CCDC3: variants seen among roughly 807,000 people sequenced by gnomAD.
The protein encoded by CCDC3 is coiled-coil domain-containing protein 3.
In CCDC3, 24 loss-of-function variants were observed where a neutral mutation model predicts 21.4. The ratio of observed to expected loss-of-function variants is 1.12; its 90% CI spans 0.81 to 1.58. The LOEUF (loss-of-function observed/expected upper bound fraction) is 1.58. Ranked by LOEUF, CCDC3 falls within the 40% of genes most tolerant of loss-of-function variation. The pLI is 0.00. For missense variants in CCDC3, 425 were observed against 360.9 expected (o/e 1.18, Z -1.44); for synonymous variants, 186 against 166.0 (o/e 1.12, Z -0.93).
At chr10:12,904,779 C>T (rs1834145968) in intron 2 of CCDC3, among the ~76,000 whole-genome samples, 1 of 152,074 alleles carries the variant, frequency 6.6e-6, no homozygotes, top group Non-Finnish European at 1.5e-5. Context: ...ATCCATGATA[C>T]CATCTAGAAT....
chr10:13,081,305 C>T (rs762514380), intron 3 of CCDC3, among the ~76,000 whole-genome samples: 15 of 152,204 alleles, frequency 9.9e-5, no homozygotes, highest in African/African-American at 2.9e-4. Context: ...AGAACTAAGT[C>T]TTTTAGCACA....
intron 3 of CCDC3, among the ~76,000 whole-genome samples, chr10:13,075,334 A>C (rs900361830): frequency 3.3e-5 from 5 of 152,180 alleles, no homozygotes; most frequent in African/African-American, 1.2e-4. Context: ...CTCCAAAATC[A>C]GTGGGTATTT....
intron 5 of CCDC3, among the ~76,000 whole-genome samples, chr10:13,033,677 C>T (rs1007917407): frequency 4.6e-5 from 7 of 152,160 alleles, no homozygotes; most frequent in Non-Finnish European, 1.0e-4. Flanking sequence ...AAAAAGTGGG[C>T]AAAGGATATG....
At chr10:13,068,206 T>G (rs61851364) in intron 4 of CCDC3, among the ~76,000 whole-genome samples, 29,727 of 152,088 alleles carry the variant, frequency 0.2, 3,652 homozygotes, top group East Asian at 0.29. Context: ...TATTAGGCCT[T>G]AAAAGCTGCA....
At chr10:13,033,216 A>G (rs2131412739) in intron 5 of CCDC3, among the ~76,000 whole-genome samples, 1 of 152,312 alleles carries the variant, frequency 6.6e-6, no homozygotes, top group Admixed American at 6.5e-5. Flanking sequence ...TCTTTGACAA[A>G]CCTGACAAAA....
chr10:12,958,082 C>A (rs184740705), intron 2 of CCDC3, among the ~76,000 whole-genome samples: 13 of 152,272 alleles, frequency 8.5e-5, no homozygotes, highest in African/African-American at 3.1e-4. Context: ...CTGCCTCAGC[C>A]TCCCAAAGTG....
chr10:13,001,928 C>T (rs1035714965), upstream of CCDC3, among the ~76,000 whole-genome samples: 1 of 152,136 alleles, frequency 6.6e-6, no homozygotes, highest in Non-Finnish European at 1.5e-5. Flanking sequence ...CCAGCAATCT[C>T]CTGGCGCCCC....
At chr10:12,997,370 C>A (rs1835778229) in intron 2 of CCDC3, among the ~76,000 whole-genome samples, 1 of 152,216 alleles carries the variant, frequency 6.6e-6, no homozygotes, top group Non-Finnish European at 1.5e-5. Flanking sequence ...GCCCCAGAGG[C>A]CTAGACTGGC....
At chr10:12,935,570 T>C (rs1408878539) in intron 2 of CCDC3, among the ~76,000 whole-genome samples, 1 of 152,230 alleles carries the variant, frequency 6.6e-6, no homozygotes, top group Non-Finnish European at 1.5e-5. Context: ...TTTTATATTA[T>C]TTCATTTTCT....
chr10:12,974,284 C>T (rs191843475), intron 2 of CCDC3, among the ~76,000 whole-genome samples: 1 of 152,314 alleles, frequency 6.6e-6, no homozygotes, highest in African/African-American at 2.4e-5. Context: ...AGGAGGGGGC[C>T]GCTTTCTGAA....
intron 2 of CCDC3, among the ~76,000 whole-genome samples, chr10:12,991,625 A>G (rs1003685701): frequency 3.3e-5 from 5 of 152,094 alleles, no homozygotes; most frequent in Non-Finnish European, 5.9e-5. Context: ...TGAACCACCA[A>G]TCCTGGCTTT....
chr10:12,948,471 ACAC>A (rs1834955066), intron 2 of CCDC3, among the ~76,000 whole-genome samples: 3 of 102,654 alleles, frequency 2.9e-5, no homozygotes, highest in Admixed American at 1.1e-4. Context: ...ACAATTGCAC[ACAC>A]ACACACACAC....
Position 12,898,479 on chromosome 10 carries a change from C to G in CCDC3, c.750G>C (p.Ala250=), listed in dbSNP as rs759678426. The part of the protein sequence containing the change: ...LANQKLSEKL[A]AGALPHINAR... ...CATTGATGTGCGGCAGCGCGCCCGCCGCCAGCTTCTCACTGAGTTTCTGGT... is the reference window on the plus strand; with the variant it reads ...CATTGATGTGCGGCAGCGCGCCCGCGGCCAGCTTCTCACTGAGTTTCTGGT... The change falls in exon 3 of 3, where the codon GCG becomes GCC. Residue 250 remains alanine, a synonymous_variant. Transcript: ENST00000378825. 6.2e-7 allele frequency: 1 copy of G among 1,613,264 alleles called. No homozygotes were observed. Among genetic ancestry groups the G allele is most frequent in the Admixed American group, 1.7e-5 (1 of 60,020 alleles).
chr10:12,948,525 G>A (rs559734015), intron 2 of CCDC3, among the ~76,000 whole-genome samples: 39 of 151,974 alleles, frequency 2.6e-4, no homozygotes, highest in South Asian at 2.1e-4. Context: ...CCAGAACCCC[G>A]TGTGTTTTCT....
chr10:13,048,720 T>C (rs1023120183), intron 5 of CCDC3, among the ~76,000 whole-genome samples: 2 of 152,252 alleles, frequency 1.3e-5, no homozygotes, highest in East Asian at 3.9e-4. Context: ...GGCAGGTCGC[T>C]AGCTGTCCCT....
intron 3 of CCDC3, among the ~76,000 whole-genome samples, chr10:13,074,272 C>T (rs10906294): frequency 0.61 from 88,765 of 144,398 alleles, 27,932 homozygotes; most frequent in African/African-American, 0.73. Context: ...ATTCTCCTGC[C>T]TCAGCCTCCC....
intron 3 of CCDC3, among the ~76,000 whole-genome samples, chr10:13,089,219 T>TACTTATAAATAG (rs1157698163): frequency 1.3e-5 from 2 of 152,178 alleles, no homozygotes; most frequent in East Asian, 3.8e-4. Flanking sequence ...CTTTATTTGT[T>TACTTATAAATAG]TAACACTTAT....
chr10:12,922,691 G>GATGTTT (rs1228448938), intron 2 of CCDC3, among the ~76,000 whole-genome samples: 1 of 151,972 alleles, frequency 6.6e-6, no homozygotes. Flanking sequence ...AGGAACCCAG[G>GATGTTT]ATGTTTATGT....
rs183279058 is a variant in CCDC3 at position 12,902,816 on chromosome 10, T to C, written c.550-4137A>G. 4.3e-5 allele frequency among the ~76,000 whole-genome samples: 3 copies of C among 69,686 alleles called. No individual in the cohort carries two copies. In the Admixed American group the frequency reaches 5.5e-4, roughly 13 times the overall value. 45.7% of individuals were successfully genotyped at this position (69,686 alleles called of 152,430 possible). On this transcript the variant is annotated intron_variant, in intron 2 of 2. Coordinates refer to ENST00000378825, the MANE Select transcript of CCDC3 (RefSeq NM_031455.4). ...GGCTAGCAAGAGGATGAATTTCACC[T>C]CCAGCAAGACTTAGAGCCCAGACAA...
Sources: allele counts gnomAD v4.1 joint callset (sites outside exome capture counted in the v4.1 genomes callset), GRCh38; gene constraint gnomAD v4.1.1; transcripts MANE v1.5; gene names NCBI Gene and HGNC (gene_info 2026-07-23, HGNC 2026-07-21).